PCDH7: variants seen among roughly 807,000 people sequenced by gnomAD.
PCDH7 encodes the protein protocadherin 7, also known as protocadherin-7.
Under a neutral mutation model 58.9 loss-of-function variants are expected in PCDH7, and 17 were observed. The ratio of observed to expected loss-of-function variants is 0.29; its 90% CI spans 0.20 to 0.43. The LOEUF (loss-of-function observed/expected upper bound fraction) is 0.43, where lower values mean the gene tolerates loss of function less well. Ranked by LOEUF, PCDH7 falls within the 20% of genes least tolerant of loss-of-function variation. The pLI is 1.00. For synonymous variants in PCDH7, 664 were observed against 616.4 expected (o/e 1.08, Z -1.14); for missense variants, 1,274 against 1,441.0 (o/e 0.88, Z 1.88).
At chr4:31,081,761 C>CT (rs1176464809) in intron 3 of PCDH7, among the ~76,000 whole-genome samples, 6 of 149,578 alleles carry the variant, frequency 4.0e-5, no homozygotes, top group African/African-American at 1.5e-4. Flanking sequence ...TTTAAAGGGA[C>CT]TTTTTTTAAT....
intron 1 of PCDH7, among the ~76,000 whole-genome samples, chr4:30,753,347 T>C (rs913620886): frequency 6.6e-6 from 1 of 152,230 alleles, no homozygotes. Flanking sequence ...TTTATATACA[T>C]GGTCGTGGTA....
chr4:31,015,016 A>G (rs1435542331), intron 3 of PCDH7, among the ~76,000 whole-genome samples: 1 of 152,216 alleles, frequency 6.6e-6, no homozygotes, highest in African/African-American at 2.4e-5. Context: ...GGATAAATAA[A>G]TATAATTTAA....
rs767216750 is a variant in PCDH7 at position 30,723,379 on chromosome 4, C to A, written c.1957C>A (p.Gln653Lys). The stretch of plus-strand genomic sequence containing the variant: ...CACCTTTTATGTGAAAGAAAACTTG[C>A]AGCCCAACAGCCCTGTGGGGATGGT... The change falls in exon 1 of 2, where the codon CAG (glutamine) becomes AAG (lysine). Residue 653 changes from glutamine to lysine, a missense_variant. By Grantham distance (53) the Gln-to-Lys change is moderately conservative. Around this residue, in one of 3 missense-constraint regions of PCDH7, gnomAD observed 731 missense variants for 881.9 expected, o/e 0.83. Coordinates refer to ENST00000361762, the Ensembl canonical transcript of PCDH7. The surrounding 1 kb of genome is among the most constrained non-coding windows in gnomAD (Gnocchi z 4.6). 8.1e-6 allele frequency: 13 copies of A among 1,614,082 alleles called. No individual in the cohort carries two copies. The East Asian group carries it at 2.2e-4, about 28-fold the overall frequency.
Position 30,894,931 on chromosome 4 carries a change from G to C in PCDH7, c.71-25222G>C, listed in dbSNP as rs559543158. 3.3e-5 allele frequency among the ~76,000 whole-genome samples: 5 copies of C among 151,390 alleles called. No homozygotes were observed. The South Asian group carries it at 1.0e-3, about 32-fold the overall frequency. On this transcript the variant is annotated intron_variant, in intron 1 of 3. Transcript: ENST00000509759. Reference sequence around the variant, plus strand: ...ATAAGCAACATATGCAAAACCTCTAGCATGTTATTTAGCAAATTTGTAAGT... The same window carrying C: ...ATAAGCAACATATGCAAAACCTCTACCATGTTATTTAGCAAATTTGTAAGT...
At chr4:30,869,076 A>T (rs549570862) in intron 1 of PCDH7, 68 of 152,202 alleles carry the variant, frequency 4.5e-4, no homozygotes, top group African/African-American at 1.6e-3. Flanking sequence ...GATAGCACAG[A>T]AATACCACAA....
chr4:31,087,114 G>A (rs1712538643), intron 3 of PCDH7, among the ~76,000 whole-genome samples: 1 of 152,130 alleles, frequency 6.6e-6, no homozygotes, highest in African/African-American at 2.4e-5. Flanking sequence ...AGTGTGGAGT[G>A]TGATTAATTA....
At chr4:30,807,421 G>C (rs1726368002) in intron 1 of PCDH7, among the ~76,000 whole-genome samples, 1 of 152,072 alleles carries the variant, frequency 6.6e-6, no homozygotes, top group Non-Finnish European at 1.5e-5. Context: ...GACTCTATTT[G>C]TTATGGACCA....
intron 1 of PCDH7, among the ~76,000 whole-genome samples, chr4:30,820,382 C>T (rs772708371): frequency 2.6e-5 from 4 of 152,074 alleles, no homozygotes; most frequent in Non-Finnish European, 5.9e-5. Flanking sequence ...GGAAGTGACA[C>T]ATTAAACTGA....
At chr4:30,987,459 T>A (rs1220629339) in intron 3 of PCDH7, 1 of 152,132 alleles carries the variant, frequency 6.6e-6, no homozygotes, top group Admixed American at 6.5e-5. Flanking sequence ...GTGGATATTA[T>A]TCATAGTATC....
chr4:30,773,475 A>G (rs1377262115), intron 1 of PCDH7, among the ~76,000 whole-genome samples: 1 of 151,862 alleles, frequency 6.6e-6, no homozygotes, highest in African/African-American at 2.4e-5. Flanking sequence ...CTTTTTTTGG[A>G]TAAACCTTCT....
At chr4:30,798,852 T>C (rs1725139465) in intron 1 of PCDH7, among the ~76,000 whole-genome samples, 2 of 152,244 alleles carry the variant, frequency 1.3e-5, no homozygotes, top group African/African-American at 4.8e-5. Context: ...ATTTGTTTTA[T>C]ACTTTGCAGC....
Position 30,974,182 on chromosome 4 carries a change from TTCTTTC to T in PCDH7, c.*7+23980_*7+23985del, listed in dbSNP as rs935435166. Among the ~76,000 whole-genome samples the T allele has an allele frequency of 2.4e-4, 37 of 151,540 alleles. 1 individual carries two copies. The highest frequency in any genetic ancestry group is 8.5e-4 in the African/African-American group (35 of 41,246). ...TTTCTTTCTTTCTTTTTCTCTTTCT[TTCTTTC>T]TCTTTCTCTTTCCCTCCCTTTCTTT... is the stretch of plus-strand genomic sequence containing the variant. On this transcript the variant is annotated intron_variant, in intron 3 of 3. Coordinates refer to the PCDH7 transcript ENST00000509759.
At chr4:31,074,714 GGTGGAGGTTGCA>G (rs1283771359) in intron 3 of PCDH7, among the ~76,000 whole-genome samples, 1 of 145,764 alleles carries the variant, frequency 6.9e-6, no homozygotes, top group Non-Finnish European at 1.5e-5. Flanking sequence ...AACCTGGGGA[GGTGGAGGTTGCA>G]GTGAGCCGAG....
chr4:30,728,296 TAGAGAGAGAG>T (rs67735645), intron 1 of PCDH7, among the ~76,000 whole-genome samples: 1 of 105,394 alleles, frequency 9.5e-6, no homozygotes, highest in Admixed American at 9.7e-5. Context: ...TATATATATA[TAGAGAGAGAG>T]AGAGAGAGAG....
rs571465931 is a variant in PCDH7 at position 30,850,585 on chromosome 4, T to G, written c.71-69568T>G. Among the ~76,000 whole-genome samples, 4 of 152,204 alleles carry G rather than the reference T, an allele frequency of 2.6e-5. No individual in the cohort carries two copies. In the East Asian group the frequency reaches 7.7e-4, roughly 29 times the overall value. Reference sequence around the variant, plus strand: ...TGGTTTTGTTGCTGATATTTCTAGTTCTGCATCCATTCCAGGTATGTGCCC... The same window carrying G: ...TGGTTTTGTTGCTGATATTTCTAGTGCTGCATCCATTCCAGGTATGTGCCC... On this transcript the variant is annotated intron_variant, in intron 1 of 3. Coordinates refer to the PCDH7 transcript ENST00000509759.
rs1255618685 is a variant in PCDH7, at chr4:30,787,084, A to G, written c.70+62488A>G. Among the ~76,000 whole-genome samples the G allele has an allele frequency of 2.0e-5, 3 of 152,236 alleles. No individual in the cohort carries two copies. The East Asian group carries it at 5.8e-4, about 29-fold the overall frequency. ...TCAATTACTGTGGGGAAACAGAATC[A>G]GATATCGCCATACTCAGGAGTATGA... On this transcript the variant is annotated intron_variant, in intron 1 of 3. Coordinates refer to the PCDH7 transcript ENST00000509759.
chr4:30,826,844 G>GC (rs1729148668), intron 1 of PCDH7, among the ~76,000 whole-genome samples: 1 of 151,940 alleles, frequency 6.6e-6, no homozygotes, highest in South Asian at 2.1e-4. Context: ...TCCTGCCTCA[G>GC]CCCCCCAAAT....
chr4:30,963,956 CATATT>C (rs1166347185), intron 3 of PCDH7, among the ~76,000 whole-genome samples: 1 of 152,168 alleles, frequency 6.6e-6, no homozygotes, highest in African/African-American at 2.4e-5. Flanking sequence ...TAAGCACAAA[CATATT>C]ATCTTTCTAT....
chr4:30,991,152 A>G (rs1275137299), intron 3 of PCDH7, among the ~76,000 whole-genome samples: 1 of 152,178 alleles, frequency 6.6e-6, no homozygotes, highest in Admixed American at 6.6e-5. Context: ...CTCTTCCAAT[A>G]TAATCTGGAA....
Sources: gnomAD v4.1 joint callset for allele counts (sites outside exome capture counted in the v4.1 genomes callset) on GRCh38, gnomAD v4.1.1 for gene constraint, gnomAD v4.1.1 regional missense constraint, Gnocchi (gnomAD v3.1) non-coding constraint, MANE v1.5 for transcripts, NCBI Gene and HGNC (gene_info 2026-07-23, HGNC 2026-07-21) for gene names.